The following SOWAHB variants were observed in gnomAD, a reference collection of about 807,000 sequenced individuals.
SOWAHB encodes ankyrin repeat domain-containing protein SOWAHB.
Under a neutral mutation model 18.3 loss-of-function variants are expected in SOWAHB, and 17 were observed. The observed-to-expected ratio is 0.93, with a 90% CI of 0.64 to 1.40. The LOEUF (loss-of-function observed/expected upper bound fraction) is 1.40, where lower values mean the gene tolerates loss of function less well. Ranked by LOEUF, SOWAHB falls within the 40% of genes most tolerant of loss-of-function variation. SOWAHB has a pLI of 0.00. For synonymous variants in SOWAHB, 496 were observed against 448.1 expected (o/e 1.11, Z -1.35); for missense variants, 1,126 against 1,033.7 (o/e 1.09, Z -1.22).
Position 76,896,240 on chromosome 4 carries a change from G to C in SOWAHB, c.1610C>G (p.Thr537Arg), listed in dbSNP as rs985550793. ...TGCATCAACCCTTGGGCTGGGTGCC[G>C]TTCCTGCCTTGGAGGGCTTCCTGGA... ...PRSRKPSKAG[T>R]APSPRVDAGL... The change falls in exon 1 of 1, where the codon ACG becomes AGG. Residue 537 changes from threonine (T) to arginine (R), a missense_variant. Thr to Arg is a moderately conservative substitution (Grantham distance 71). Coordinates refer to ENST00000334306, the MANE Select transcript of SOWAHB (RefSeq NM_001029870.3). The C allele has an allele frequency of 6.9e-6, 11 of 1,591,536 alleles. No homozygotes were observed. The highest frequency in any genetic ancestry group is 9.4e-6 in the Non-Finnish European group (11 of 1,167,692).
At position 76,897,449 on chromosome 4, in the gene SOWAHB, G is replaced by A; in HGVS notation, c.401C>T (p.Ala134Val). 1.3e-6 allele frequency: 2 copies of A among 1,507,238 alleles called. No individual in the cohort carries two copies. Among genetic ancestry groups the A allele is most frequent in the Non-Finnish European group, 1.8e-6 (2 of 1,135,186 alleles). The allele number at this position is 1,507,238 out of a possible 1,614,324, so 93.4% of individuals were successfully genotyped here. The change falls in exon 1 of 1, where the codon GCA (alanine) becomes GTA (valine). Residue 134 changes from alanine (A) to valine (V), a missense_variant. Transcript: ENST00000334306. This position sits in a 1 kb window ranked among gnomAD's most constrained non-coding sequence, Gnocchi z 6.4. Reference protein sequence around the residue: ...RREKEPEEEPAGAAARAADAA... With the variant: ...RREKEPEEEPVGAAARAADAA... ...GTCGGCGGCTCTGGCTGCTGCACCT[G>A]CTGGCTCCTCCTCCGGCTCCTTCTC...
Position 76,897,572 on chromosome 4 carries a change from G to C in SOWAHB, c.278C>G (p.Pro93Arg). ...EEGLQRPREP[P>R]AAAPSAGGAA... The stretch of plus-strand genomic sequence containing the variant: ...TCCCCCTGCACTGGGGGCGGCCGCG[G>C]GCGGCTCGCGGGGTCGCTGCAGCCC... The change falls in exon 1 of 1, where the codon CCC (proline) becomes CGC (arginine). Residue 93 changes from proline (P) to arginine (R), a missense_variant. Pro to Arg is a moderately radical substitution (Grantham distance 103). Coordinates refer to ENST00000334306, the MANE Select transcript of SOWAHB (RefSeq NM_001029870.3). This position sits in a 1 kb window ranked among gnomAD's most constrained non-coding sequence, Gnocchi z 6.4. 1.3e-6 allele frequency: 2 copies of C among 1,598,984 alleles called. No homozygotes were observed. The highest frequency in any genetic ancestry group is 1.7e-6 in the Non-Finnish European group (2 of 1,176,664).
chr4:76,894,342 G>A lies in SOWAHB; in HGVS notation c.*1126C>T, dbSNP rs528392316. On this transcript the variant is annotated 3_prime_UTR_variant, in exon 1 of 1. Coordinates refer to ENST00000334306, the MANE Select transcript of SOWAHB (RefSeq NM_001029870.3). ...TCTGAAATCTTGATGCTCTACTGAC[G>A]TTTATAGACTAGCCATTTTCTCACT... Among the ~76,000 whole-genome samples the A allele has an allele frequency of 5.5e-4, 83 of 152,156 alleles. No individual in the cohort carries two copies. The highest frequency in any genetic ancestry group is 1.9e-3 in the African/African-American group (77 of 41,506).
In SOWAHB at chr4:76,895,125, T is replaced by C. The variant is rs550389657; in HGVS notation, c.*343A>G. ...ATTGCTTCTCTTTTTGTTAGACATC[T>C]GTTCCCTCTCTAGCCAAGGCCTGGG... On this transcript the variant is annotated 3_prime_UTR_variant, in exon 1 of 1. Coordinates refer to ENST00000334306, the MANE Select transcript of SOWAHB (RefSeq NM_001029870.3). 17 of 194,038 alleles carry C rather than the reference T, an allele frequency of 8.8e-5. No homozygotes were observed. The East Asian group carries it at 1.7e-3, about 19-fold the overall frequency. The allele number at this position is 194,038 out of a possible 1,614,324, so 12.0% of individuals were successfully genotyped here. A position where few individuals can be genotyped will look rare whatever the true frequency, so the allele number is the denominator to read the frequency against.
chr4:76,897,471 T>G lies in SOWAHB; in HGVS notation c.379A>C (p.Lys127Gln). 1 of 1,489,118 alleles carries G rather than the reference T, an allele frequency of 6.7e-7. No homozygotes were observed. Among genetic ancestry groups the G allele is most frequent in the South Asian group, 1.3e-5 (1 of 78,430 alleles). 92.2% of individuals were successfully genotyped at this position (1,489,118 alleles called of 1,614,324 possible). A position where few individuals can be genotyped will look rare whatever the true frequency, so the allele number is the denominator to read the frequency against. Reference sequence around the variant, plus strand: ...CCTGCTGGCTCCTCCTCCGGCTCCTTCTCGCGCCGCCGCCGCCTGGGCTGC... The same window carrying G: ...CCTGCTGGCTCCTCCTCCGGCTCCTGCTCGCGCCGCCGCCGCCTGGGCTGC... ...QQQPRRRRRE[K>Q]EPEEEPAGAA... The change falls in exon 1 of 1, where the codon AAG becomes CAG. Residue 127 changes from lysine to glutamine, a missense_variant. Transcript: ENST00000334306. The surrounding 1 kb of genome is among the most constrained non-coding windows in gnomAD (Gnocchi z 6.4).
At position 76,895,948 on chromosome 4, in the gene SOWAHB, C is replaced by A. The variant is rs1288691069; in HGVS notation, c.1902G>T (p.Ala634=). The A allele has an allele frequency of 3.1e-6, 5 of 1,614,030 alleles. No homozygotes were observed. Among genetic ancestry groups the A allele is most frequent in the Non-Finnish European group, 4.2e-6 (5 of 1,180,046 alleles). Reference sequence around the variant, plus strand: ...CACCATGTTTGGCTATCCAGTGCAACGCAGTGTACCCAGTCAAAAAGTCTT... The same window carrying A: ...CACCATGTTTGGCTATCCAGTGCAAAGCAGTGTACCCAGTCAAAAAGTCTT... ...LHKDFLTGYT[A]LHWIAKHGDL... Residue 634 remains alanine, a synonymous_variant, in exon 1 of 1, where the codon GCG becomes GCT. Transcript: ENST00000334306.
rs961021860 is a variant in SOWAHB, at chr4:76,897,508, C to G, written c.342G>C (p.Glu114Asp). The G allele has an allele frequency of 7.0e-7, 1 of 1,427,290 alleles. No homozygotes were observed. Among genetic ancestry groups the G allele is most frequent in the Non-Finnish European group, 9.1e-7 (1 of 1,100,748 alleles). 88.4% of individuals were successfully genotyped at this position (1,427,290 alleles called of 1,614,324 possible). Residue 114 changes from glutamate to aspartate, a missense_variant, in exon 1 of 1, where the codon GAG (glutamate) becomes GAC (aspartate). Transcript: ENST00000334306. This position sits in a 1 kb window ranked among gnomAD's most constrained non-coding sequence, Gnocchi z 6.4. ...PCSPRGARRG[E>D]PPQQQPRRRR... ...GCCGCCTGGGCTGCTGCTGGGGCGG[C>G]TCCCCCCGGCGCGCGCCTCGCGGGG...
rs1253660913 is a variant in SOWAHB, at chr4:76,895,431, G to A, written c.*37C>T. ...TGAATTCTCTCACTGAGCAGGATGA[G>A]GGAGTGCTGCCTGCATGTTGGACAG... is the stretch of plus-strand genomic sequence containing the variant. On this transcript the variant is annotated 3_prime_UTR_variant, in exon 1 of 1. Transcript: ENST00000334306. 2.0e-6 allele frequency: 3 copies of A among 1,530,526 alleles called. No homozygotes were observed. Among genetic ancestry groups the A allele is most frequent in the Non-Finnish European group, 2.7e-6 (3 of 1,131,212 alleles). 94.8% of individuals were successfully genotyped at this position (1,530,526 alleles called of 1,614,324 possible).
chr4:76,896,166 C>T lies in SOWAHB; in HGVS notation c.1684G>A (p.Gly562Ser), dbSNP rs762274799. The stretch of plus-strand genomic sequence containing the variant: ...GGGACCCACAGGCTGTGTCGCCAAC[C>T]CCGCTCGGCCACAACAGCCTTAACC... ...AEVKAVVAER[G>S]WRHSLWVPSG... Residue 562 changes from glycine (G) to serine (S), a missense_variant, in exon 1 of 1, where the codon GGT becomes AGT. Gly to Ser is a moderately conservative substitution (Grantham distance 56, BLOSUM62 0). Transcript: ENST00000334306. 2.6e-6 allele frequency: 4 copies of T among 1,556,222 alleles called. No individual in the cohort carries two copies. In the South Asian group the frequency reaches 3.7e-5, roughly 14 times the overall value.
At position 76,897,970 on chromosome 4, in the gene SOWAHB, A is replaced by G; in HGVS notation, c.-121T>C. 9.1e-7 allele frequency: 1 copy of G among 1,095,714 alleles called. No individual in the cohort carries two copies. The highest frequency in any genetic ancestry group is 1.3e-6 in the Non-Finnish European group (1 of 790,634). The allele number at this position is 1,095,714 out of a possible 1,614,324, so 67.9% of individuals were successfully genotyped here. The stretch of plus-strand genomic sequence containing the variant: ...GCCCGGGGCGGCACTAGCCGCCCCC[A>G]TCAGCCGCGGAGGCCAGCGCTGCCC... On this transcript the variant is annotated 5_prime_UTR_variant, in exon 1 of 1. It removes an upstream start codon present in the reference 5' UTR. Coordinates refer to ENST00000334306, the MANE Select transcript of SOWAHB (RefSeq NM_001029870.3). The surrounding 1 kb of genome is among the most constrained non-coding windows in gnomAD (Gnocchi z 6.4).
chr4:76,897,000 C>T lies in SOWAHB; in HGVS notation c.850G>A (p.Asp284Asn). The T allele has an allele frequency of 6.4e-7, 1 of 1,570,948 alleles. No homozygotes were observed. The highest frequency in any genetic ancestry group is 8.6e-7 in the Non-Finnish European group (1 of 1,163,852). The change falls in exon 1 of 1, where the codon GAC (aspartate) becomes AAC (asparagine). Residue 284 changes from aspartate (D) to asparagine (N), a missense_variant. Physicochemically the swap from Asp to Asn is conservative, Grantham distance 23. Transcript: ENST00000334306. ...CTGGGGGTCAGCAGCTCCGGCCGGTCTCCGCGGGGAGCGGGGCCGGGCAGG... is the reference window on the plus strand; with the variant it reads ...CTGGGGGTCAGCAGCTCCGGCCGGTTTCCGCGGGGAGCGGGGCCGGGCAGG... ...ALLPGPAPRG[D>N]RPELLTPSSL...
At position 76,895,654 on chromosome 4, in the gene SOWAHB, G is replaced by GA; in HGVS notation, c.2195dup (p.Val734CysfsTer21). ...AACTTCCAACTAAGGGATAGACAGG[G>GA]AAAATGGGCTTGCCCCGAGGAGCTC... On this transcript the variant is annotated frameshift_variant, in exon 1 of 1. Coordinates refer to ENST00000334306, the MANE Select transcript of SOWAHB (RefSeq NM_001029870.3). LOFTEE classifies it high-confidence loss of function. 6.2e-7 allele frequency: 1 copy of GA among 1,614,220 alleles called. No homozygotes were observed. Among genetic ancestry groups the GA allele is most frequent in the South Asian group, 1.1e-5 (1 of 91,078 alleles).
Position 76,896,780 on chromosome 4 carries a change from G to A in SOWAHB, c.1070C>T (p.Ser357Phe), listed in dbSNP as rs148233608. The change falls in exon 1 of 1, where the codon TCC becomes TTC. Residue 357 changes from serine (S) to phenylalanine (F), a missense_variant. Transcript: ENST00000334306. ...AACAACAGGAAAGAGAGAGTGCGAG[G>A]AAAGACAGGGGTCTGGCGGCTCTGA... is the stretch of plus-strand genomic sequence containing the variant. ...PNSEPPDPCL[S>F]SHSLFPVVPD... 2.4e-5 allele frequency: 38 copies of A among 1,613,958 alleles called. No individual in the cohort carries two copies. In the African/African-American group the frequency reaches 4.9e-4, roughly 21 times the overall value.
chr4:76,896,689 A>C lies in SOWAHB; in HGVS notation c.1161T>G (p.Cys387Trp). The C allele has an allele frequency of 6.2e-7, 1 of 1,614,066 alleles. No individual in the cohort carries two copies. Among genetic ancestry groups the C allele is most frequent in the Non-Finnish European group, 8.5e-7 (1 of 1,180,036 alleles). ...CATCCAGATCTTGGAGGGACAGCTG[A>C]CAACGAATGCTGCGAAAGACAGTCA... ...PSLTVFRSIR[C>W]QLSLQDLDDF... Residue 387 changes from cysteine (C) to tryptophan (W), a missense_variant, in exon 1 of 1, where the codon TGT becomes TGG. Physicochemically the swap from Cys to Trp is radical, Grantham distance 215. Transcript: ENST00000334306.
In SOWAHB at chr4:76,895,596, T is replaced by C. The variant is rs1011956578; in HGVS notation, c.2254A>G (p.Ile752Val). ...SPTRKAKSKE[I>V]SRSVTRKTSF... ...GTTTTTCGGGTGACACTTCTAGATA[T>C]TTCCTTGCTCTTGGCCTTTCTGGTA... Residue 752 changes from isoleucine to valine, a missense_variant, in exon 1 of 1, where the codon ATA (isoleucine) becomes GTA (valine). Ile to Val is a conservative substitution (Grantham distance 29). Coordinates refer to ENST00000334306, the MANE Select transcript of SOWAHB (RefSeq NM_001029870.3). 1.2e-6 allele frequency: 2 copies of C among 1,614,122 alleles called. No individual in the cohort carries two copies. Among genetic ancestry groups the C allele is most frequent in the Non-Finnish European group, 1.7e-6 (2 of 1,180,050 alleles).
Position 76,895,704 on chromosome 4 carries a change from A to C in SOWAHB, c.2146T>G (p.Ser716Ala). ...KPWQYLTSNT[S>A]GEIWQLLGAP... Reference sequence around the variant, plus strand: ...CCCAACAGCTGCCATATTTCCCCAGAGGTATTACTGGTTAGATACTGCCAT... The same window carrying C: ...CCCAACAGCTGCCATATTTCCCCAGCGGTATTACTGGTTAGATACTGCCAT... The change falls in exon 1 of 1, where the codon TCT (serine) becomes GCT (alanine). Residue 716 changes from serine (S) to alanine (A), a missense_variant. Transcript: ENST00000334306. The C allele has an allele frequency of 6.2e-7, 1 of 1,614,214 alleles. No individual in the cohort carries two copies. The highest frequency in any genetic ancestry group is 1.3e-5 in the African/African-American group (1 of 75,060).
At position 76,895,858 on chromosome 4, in the gene SOWAHB, G is replaced by A. The variant is rs550717472; in HGVS notation, c.1992C>T (p.Asn664=). 8.1e-6 allele frequency: 13 copies of A among 1,614,190 alleles called. No individual in the cohort carries two copies. In the Admixed American group the frequency reaches 1.7e-4, roughly 21 times the overall value. The change falls in exon 1 of 1, where the codon AAC becomes AAT. Residue 664 remains asparagine, a synonymous_variant. Coordinates refer to ENST00000334306, the MANE Select transcript of SOWAHB (RefSeq NM_001029870.3). ...GGGTATATCCACAACTGGACCTCAC[G>A]TTTACATCAAGGACAATCCCTGCCT... ...AKKAGIVLDV[N]VRSSCGYTPL...
In SOWAHB at chr4:76,896,908, C is replaced by A. The variant is rs748976220; in HGVS notation, c.942G>T (p.Pro314=). ...QRTREWVARH[P]QVPEARDQGP... ...CCTGATCACGGGCCTCGGGCACCTG[C>A]GGGTGCCTGGCCACCCACTCTCGAG... The change falls in exon 1 of 1, where the codon CCG becomes CCT. Residue 314 remains proline (P), a synonymous_variant. Transcript: ENST00000334306. The A allele has an allele frequency of 6.2e-7, 1 of 1,611,770 alleles. No homozygotes were observed. The highest frequency in any genetic ancestry group is 1.1e-5 in the South Asian group (1 of 91,038).
In SOWAHB at chr4:76,895,755, C is replaced by T. The variant is rs762672536; in HGVS notation, c.2095G>A (p.Val699Ile). 5.6e-6 allele frequency: 9 copies of T among 1,614,140 alleles called. No individual in the cohort carries two copies. In the East Asian group the frequency reaches 8.9e-5, roughly 16 times the overall value. The change falls in exon 1 of 1, where the codon GTC (valine) becomes ATC (isoleucine). Residue 699 changes from valine (V) to isoleucine (I), a missense_variant. By Grantham distance (29) the Val-to-Ile change is conservative (BLOSUM62 3). Coordinates refer to ENST00000334306, the MANE Select transcript of SOWAHB (RefSeq NM_001029870.3). ...GGCTTCTTCCCACTGCTGTCCCTGA[C>T]ATTTACCCGAGAAGCCAACCTTTGC... ...LVQRLASRVN[V>I]RDSSGKKPWQ...
Sources: allele counts gnomAD v4.1 joint callset (sites outside exome capture counted in the v4.1 genomes callset), GRCh38; gene constraint gnomAD v4.1.1; non-coding constraint Gnocchi (gnomAD v3.1); transcripts MANE v1.5; gene names NCBI Gene and HGNC (gene_info 2026-07-23, HGNC 2026-07-21).